The following EMC8 variants were observed in gnomAD, a reference collection of about 807,000 sequenced individuals.
EMC8 encodes the protein COX4 neighbor.
Under a neutral mutation model 24.3 loss-of-function variants are expected in EMC8, and 11 were observed. That is an observed-to-expected ratio of 0.45 (90% CI 0.28 to 0.75). The LOEUF is 0.75. Among genes scored for constraint, EMC8 ranks in the 30% least tolerant of loss-of-function variants. The pLI, the probability that EMC8 is intolerant of heterozygous loss-of-function variation, is 0.12. For synonymous variants in EMC8, 145 were observed against 117.7 expected (o/e 1.23, Z -1.50); for missense variants, 277 against 282.7 (o/e 0.98, Z 0.14).
Position 85,780,383 on chromosome 16 carries a change from G to T in EMC8, c.469C>A (p.His157Asn), listed in dbSNP as rs1221674244. Residue 157 changes from histidine to asparagine, a missense_variant, in exon 4 of 5, where the codon CAC becomes AAC. Coordinates refer to ENST00000253457, the MANE Select transcript of EMC8 (RefSeq NM_006067.5). ...GGCAGCATGGGGCGCACTCACTGGT[G>T]TGGGTCTCTGCACCGCCATCTGTTC... Reference protein sequence around the residue: ...HENRWRCRDPHHDYCEDWPEA... With the variant: ...HENRWRCRDPNHDYCEDWPEA... 6.2e-7 allele frequency: 1 copy of T among 1,613,478 alleles called. No individual in the cohort carries two copies. Among genetic ancestry groups the T allele is most frequent in the South Asian group, 1.1e-5 (1 of 91,080 alleles).
At chr16:85,787,045 A>G (rs1194428683) in intron 2 of EMC8, among the ~76,000 whole-genome samples, 1 of 152,180 alleles carries the variant, frequency 6.6e-6, no homozygotes, top group Non-Finnish European at 1.5e-5. Flanking sequence ...TGCTTGGTCC[A>G]GGAACACCTT....
chr16:85,785,641 C>A (rs998784552), intron 2 of EMC8, among the ~76,000 whole-genome samples: 1 of 152,276 alleles, frequency 6.6e-6, no homozygotes, highest in South Asian at 2.1e-4. Flanking sequence ...CAGCTGCCAA[C>A]TTTGCATTTC....
chr16:85,788,856 C>T, intron 2 of EMC8, 118 bp downstream of exon 2: 1 of 748,184 alleles, frequency 1.3e-6, no homozygotes, highest in Non-Finnish European at 2.4e-6. Flanking sequence ...CAAATAAGCA[C>T]AGAGGGAAGG....
intron 3 of EMC8, 182 bp from the exon 4 acceptor site, chr16:85,780,655 G>A (rs1193962950): frequency 5.1e-6 from 3 of 592,760 alleles, no homozygotes; most frequent in East Asian, 5.6e-5. Context: ...GTGTCATGCA[G>A]GAAAACGTCA....
chr16:85,789,120 G>T, intron 1 of EMC8, 70 bp from the exon 2 acceptor site: 1 of 957,306 alleles, frequency 1.0e-6, no homozygotes, highest in Non-Finnish European at 1.7e-6. Context: ...AAAAACCACA[G>T]ATCTCACTGC....
intron 1 of EMC8, among the ~76,000 whole-genome samples, chr16:85,795,990 G>A (rs1395275823): frequency 1.3e-5 from 2 of 152,094 alleles, no homozygotes; most frequent in Non-Finnish European, 2.9e-5. Context: ...GACTGTTGGC[G>A]GTGAGAGCAG....
intron 1 of EMC8, 83 bp from the exon 2 acceptor site, chr16:85,789,133 C>T (rs1029221847): frequency 5.9e-5 from 51 of 866,496 alleles, no homozygotes; most frequent in Admixed American, 1.0e-4. Context: ...CTCACTGCCA[C>T]ATGCTGGGAC....
chr16:85,783,696 A>G (rs1904617825), intron 2 of EMC8, among the ~76,000 whole-genome samples: 1 of 152,124 alleles, frequency 6.6e-6, no homozygotes, highest in South Asian at 2.1e-4. Flanking sequence ...ATCTGCCTAC[A>G]TGTCATCTGC....
At position 85,788,906 on chromosome 16, in the gene EMC8, C is replaced by T. The variant is rs561102800; in HGVS notation, c.308+68G>A. 15 of 1,145,546 alleles carry T rather than the reference C, an allele frequency of 1.3e-5. No homozygotes were observed. The East Asian group carries it at 3.3e-4, about 25-fold the overall frequency. 71.0% of individuals were successfully genotyped at this position (1,145,546 alleles called of 1,614,324 possible). A position where few individuals can be genotyped will look rare whatever the true frequency, so the allele number is the denominator to read the frequency against. ...AGGTTTCGTATCTGGCCGAAAAGCA[C>T]ACGAGAGACGGGGTCTGCCCAACAC... On this transcript the variant is annotated intron_variant, in intron 2 of 4. Transcript: ENST00000253457.
At chr16:85,789,982 G>C (rs534659078) in intron 1 of EMC8, among the ~76,000 whole-genome samples, 1 of 152,054 alleles carries the variant, frequency 6.6e-6, no homozygotes, top group African/African-American at 2.4e-5. Context: ...TGAAGTTTTT[G>C]GGTTTCTTTT....
chr16:85,788,777 AAGTT>A (rs1904870693), intron 2 of EMC8, 193 bp downstream of exon 2: 2 of 596,694 alleles, frequency 3.4e-6, no homozygotes, highest in Non-Finnish European at 5.9e-6. Context: ...CAGAATTCCA[AAGTT>A]AATAGAAATG....
intron 1 of EMC8, 93 bp from the exon 2 acceptor site, chr16:85,789,143 C>A: frequency 3.6e-6 from 3 of 830,420 alleles, no homozygotes; most frequent in Non-Finnish European, 6.3e-6. Context: ...CATGCTGGGA[C>A]AAGACATGAC....
At chr16:85,784,109 C>T (rs928056648) in intron 2 of EMC8, among the ~76,000 whole-genome samples, 6 of 152,218 alleles carry the variant, frequency 3.9e-5, no homozygotes, top group African/African-American at 1.4e-4. Flanking sequence ...CGCCATTCTC[C>T]TGCCTCAGCC....
At chr16:85,780,595 C>G (rs1231834863) in intron 3 of EMC8, 122 bp from the exon 4 acceptor site, 1 of 695,128 alleles carries the variant, frequency 1.4e-6, no homozygotes, top group African/African-American at 1.7e-5. Context: ...ACTCTTCCGA[C>G]AGAGCCTGTA....
chr16:85,780,097 A>G, intron 4 of EMC8: 1 of 601,280 alleles, frequency 1.7e-6, no homozygotes, highest in Non-Finnish European at 2.9e-6. Flanking sequence ...TTGGAGGCAG[A>G]TGACTGAAGC....
chr16:85,792,138 C>A (rs1408517048), intron 1 of EMC8, among the ~76,000 whole-genome samples: 1 of 145,886 alleles, frequency 6.9e-6, no homozygotes, highest in East Asian at 1.9e-4. Context: ...CATATGGTAT[C>A]ACCTTGTACC....
intron 2 of EMC8, among the ~76,000 whole-genome samples, chr16:85,782,087 GGA>G (rs1453831853): frequency 1.3e-5 from 2 of 152,220 alleles, no homozygotes; most frequent in Admixed American, 6.5e-5. Context: ...GGAAGCCAGT[GGA>G]GAGTCGCCTG....
At chr16:85,798,585 C>T (rs999183527) in intron 1 of EMC8, 9 of 158,726 alleles carry the variant, frequency 5.7e-5, no homozygotes, top group African/African-American at 1.9e-4. Flanking sequence ...TACCTTTCTA[C>T]AAGTGTCTGA....
chr16:85,798,330 C>T (rs771048690), intron 1 of EMC8, among the ~76,000 whole-genome samples: 3 of 151,976 alleles, frequency 2.0e-5, no homozygotes, highest in Non-Finnish European at 4.4e-5. Flanking sequence ...CCATGTTGGT[C>T]AGGCTGGTCT....
Sources: gnomAD v4.1 joint callset for allele counts (sites outside exome capture counted in the v4.1 genomes callset) on GRCh38, gnomAD v4.1.1 for gene constraint, MANE v1.5 for transcripts, NCBI Gene and HGNC (gene_info 2026-07-23, HGNC 2026-07-21) for gene names.